The following THADA variants were observed in gnomAD, a reference collection of about 807,000 sequenced individuals.
The protein encoded by THADA is tRNA (32-2'-O)-methyltransferase regulator THADA.
In THADA, 213 loss-of-function variants were observed where a neutral mutation model predicts 219.8. The observed-to-expected ratio is 0.97, with a 90% confidence interval of 0.87 to 1.09. The LOEUF is 1.09. THADA is among the 50% of genes least tolerant of loss of function. The pLI is 0.00. For synonymous variants in THADA, 1,018 were observed against 828.9 expected, an observed-to-expected ratio of 1.23 and a Z score of -3.92; for missense variants, 2,956 against 2,311.3, an observed-to-expected ratio of 1.28 and a Z score of -5.72.
At chr2:43,573,665 T>A in intron 11 of THADA, among the ~76,000 whole-genome samples, 1 of 152,224 alleles carries the variant, frequency 6.6e-6, no homozygotes, top group East Asian at 1.9e-4. Flanking sequence ...GTACTGAACG[T>A]TTTTAACAAT....
chr2:43,260,204 G>T (rs1295786415), intron 36 of THADA, among the ~76,000 whole-genome samples: 1 of 152,184 alleles, frequency 6.6e-6, no homozygotes, highest in Non-Finnish European at 1.5e-5. Context: ...CAAAGTGTGG[G>T]ATCACAAGTG....
intron 25 of THADA, chr2:43,492,312 C>CA (rs770408031): frequency 0.13 from 12,200 of 92,000 alleles, 571 homozygotes; most frequent in South Asian, 0.18. Flanking sequence ...GACTCTGTCT[C>CA]AAAAAAAAAA....
chr2:43,343,623 A>G (rs1667297091), intron 30 of THADA: 1 of 152,488 alleles, frequency 6.6e-6, no homozygotes, highest in Admixed American at 6.5e-5. Context: ...AGGATGAAAA[A>G]TATGTTTCTA....
rs1671356577 is a variant in THADA, at chr2:43,264,967, G to A, written c.5296+14798C>T. On this transcript the variant is annotated intron_variant, in intron 36 of 37. Coordinates refer to ENST00000405975, the MANE Select transcript of THADA (RefSeq NM_022065.5). Reference sequence around the variant, plus strand: ...ACACTTTCAGCATGGATGGAAGGGCGATGGGGACCAGCACTGCATATTGGA... The same window carrying A: ...ACACTTTCAGCATGGATGGAAGGGCAATGGGGACCAGCACTGCATATTGGA... Among the ~76,000 whole-genome samples the A allele has an allele frequency of 3.3e-5, 5 of 152,236 alleles. No homozygotes were observed. The South Asian group carries it at 1.0e-3, about 32-fold the overall frequency.
chr2:43,284,008 G>C (rs1311654814), intron 35 of THADA, among the ~76,000 whole-genome samples: 1 of 152,140 alleles, frequency 6.6e-6, no homozygotes, highest in South Asian at 2.1e-4. Context: ...GTGAAACCCT[G>C]TCTCTACTAA....
At chr2:43,326,165 CAAAA>C (rs57917515) in intron 30 of THADA, among the ~76,000 whole-genome samples, 16,119 of 111,134 alleles carry the variant, frequency 0.15, 1,070 homozygotes, top group South Asian at 0.24. Flanking sequence ...CAATGTCTGT[CAAAA>C]AAAAAAAAAA....
rs10176339 is a variant in THADA, at chr2:43,302,986, G to C, written c.4439-9773C>G. 3.7e-3 allele frequency among the ~76,000 whole-genome samples: 563 copies of C among 152,166 alleles called. 7 individuals carry two copies. The highest frequency in any genetic ancestry group is 0.013 in the African/African-American group (538 of 41,524). ...AAAAAAAAAAGACAAATTTGCTATA[G>C]TATCATTTTGCTATAGCTTCCTTGT... On this transcript the variant is annotated intron_variant, in intron 31 of 37. Coordinates refer to ENST00000405975, the MANE Select transcript of THADA (RefSeq NM_022065.5).
chr2:43,342,226 G>C (rs1215836845), intron 30 of THADA, among the ~76,000 whole-genome samples: 1 of 152,080 alleles, frequency 6.6e-6, no homozygotes, highest in East Asian at 1.9e-4. Flanking sequence ...AAAAAAGGGA[G>C]AATAGACTAA....
intron 26 of THADA, among the ~76,000 whole-genome samples, chr2:43,479,460 AT>A (rs1453840928): frequency 1.3e-5 from 2 of 152,194 alleles, no homozygotes; most frequent in Non-Finnish European, 2.9e-5. Context: ...TATTAGTATC[AT>A]TTTAATTAAA....
At chr2:43,434,051 A>C (rs931115373) in intron 26 of THADA, among the ~76,000 whole-genome samples, 5 of 152,234 alleles carry the variant, frequency 3.3e-5, no homozygotes, top group African/African-American at 1.2e-4. Flanking sequence ...AGTAGCAAAG[A>C]TAATCTTAAA....
At chr2:43,329,471 GA>G (rs1384117668) in intron 30 of THADA, among the ~76,000 whole-genome samples, 1 of 152,122 alleles carries the variant, frequency 6.6e-6, no homozygotes, top group Non-Finnish European at 1.5e-5. Context: ...CACACACTTG[GA>G]AATTAGCCCT....
chr2:43,548,855 C>T lies in THADA; in HGVS notation c.3106+355G>A, dbSNP rs980189872. ...CAATGCCTCGCCCTGCTTCGGCTCG[C>T]GCATGGTGCGCTGCACCCACTGTCC... On this transcript the variant is annotated intron_variant, in intron 20 of 37. Coordinates refer to ENST00000405975, the MANE Select transcript of THADA (RefSeq NM_022065.5). Among the ~76,000 whole-genome samples, 39 of 152,344 alleles carry T rather than the reference C, an allele frequency of 2.6e-4. 1 individual carries two copies. In the Middle Eastern group the frequency reaches 0.017, roughly 66 times the overall value.
intron 31 of THADA, among the ~76,000 whole-genome samples, chr2:43,312,541 C>G (rs1225458766): frequency 6.6e-6 from 1 of 152,126 alleles, no homozygotes; most frequent in Admixed American, 6.5e-5. Context: ...CCACGTTAAC[C>G]TAGCAATCTA....
chr2:43,257,884 A>G (rs908034153), intron 36 of THADA, among the ~76,000 whole-genome samples: 1 of 152,212 alleles, frequency 6.6e-6, no homozygotes, highest in East Asian at 1.9e-4. Context: ...TCACAGACTA[A>G]AAGAGAAAGT....
At chr2:43,501,307 CAAAAAAAAAAAAAAAAAA>C (rs60448094) in intron 24 of THADA, among the ~76,000 whole-genome samples, 23 of 15,044 alleles carry the variant, frequency 1.5e-3, no homozygotes, top group Non-Finnish European at 1.9e-3. Context: ...ACTCCAACTC[CAAAAAAAAAAAAAAAAAA>C]AAAAAAAAAA....
chr2:43,234,013 G>A (rs577269050), intron 36 of THADA, among the ~76,000 whole-genome samples: 2 of 152,230 alleles, frequency 1.3e-5, no homozygotes, highest in African/African-American at 2.4e-5. Context: ...ACAGGCAGAC[G>A]ACCGAGAATC....
At chr2:43,500,457 G>T (rs982189893) in intron 24 of THADA, among the ~76,000 whole-genome samples, 5 of 152,104 alleles carry the variant, frequency 3.3e-5, no homozygotes, top group Admixed American at 6.5e-5. Context: ...AGCACAAAAA[G>T]GAAAACCACA....
intron 22 of THADA, among the ~76,000 whole-genome samples, chr2:43,519,056 T>C (rs555974743): frequency 2.0e-4 from 30 of 152,082 alleles, no homozygotes; most frequent in African/African-American, 7.0e-4. Flanking sequence ...GCCAATGTTA[T>C]TGGCATTAAT....
chr2:43,555,711 A>G (rs1162689628), intron 17 of THADA, among the ~76,000 whole-genome samples: 5 of 151,982 alleles, frequency 3.3e-5, no homozygotes, highest in African/African-American at 1.2e-4. Context: ...TCTCTTTTTC[A>G]TGGCTGTTTC....
Sources: allele counts gnomAD v4.1 joint callset (sites outside exome capture counted in the v4.1 genomes callset), GRCh38; gene constraint gnomAD v4.1.1; transcripts MANE v1.5; gene names NCBI Gene and HGNC (gene_info 2026-07-23, HGNC 2026-07-21).